MAP6: variants seen among roughly 807,000 people sequenced by gnomAD.
MAP6 encodes microtubule associated protein 6.
A neutral mutation model predicts 42.4 loss-of-function variants in MAP6; 26 were observed. The observed-to-expected ratio is 0.61, with a 90% confidence interval of 0.45 to 0.85. MAP6 has a LOEUF of 0.85. MAP6 is among the 40% of genes least tolerant of loss of function. The pLI is 0.00. For synonymous variants in MAP6, 418 were observed against 443.8 expected (o/e 0.94, Z 0.73); for missense variants, 966 against 1,099.0 (o/e 0.88, Z 1.71).
chr11:75,643,013 G>A (rs1276781527), intron 1 of MAP6: 1 of 317,312 alleles, frequency 3.2e-6, no homozygotes. Flanking sequence ...TAGTAATCAA[G>A]CCTGTATTCA....
At chr11:75,616,571 G>T (rs1942997633) in intron 1 of MAP6, among the ~76,000 whole-genome samples, 2 of 152,196 alleles carry the variant, frequency 1.3e-5, no homozygotes, top group African/African-American at 4.8e-5. Context: ...GTCAGGAGGT[G>T]GTTAATGGAA....
At chr11:75,609,502 G>A (rs1034856725) in intron 1 of MAP6, among the ~76,000 whole-genome samples, 4 of 152,214 alleles carry the variant, frequency 2.6e-5, no homozygotes, top group South Asian at 2.1e-4. Context: ...GGACTGCGAC[G>A]GAGACACGCA....
chr11:75,640,707 C>G (rs1943452306), intron 1 of MAP6, among the ~76,000 whole-genome samples: 1 of 152,186 alleles, frequency 6.6e-6, no homozygotes, highest in Non-Finnish European at 1.5e-5. Flanking sequence ...AGAAGACATT[C>G]ATGCAGTCAA....
Position 75,640,018 on chromosome 11 carries a change from C to T in MAP6, c.905+27447G>A, listed in dbSNP as rs537245548. Reference sequence around the variant, plus strand: ...AATTTCCACTCTCCCCTCTGGCTGGCGGCCACAGAGTCCTCTTGGCAACCT... The same window carrying T: ...AATTTCCACTCTCCCCTCTGGCTGGTGGCCACAGAGTCCTCTTGGCAACCT... On this transcript the variant is annotated intron_variant, in intron 1 of 3. Transcript: ENST00000304771. Among the ~76,000 whole-genome samples the T allele has an allele frequency of 1.5e-4, 23 of 152,254 alleles. No individual in the cohort carries two copies. In the East Asian group the frequency reaches 2.7e-3, roughly 18 times the overall value.
chr11:75,627,203 C>G (rs911203443), intron 1 of MAP6, among the ~76,000 whole-genome samples: 7 of 152,240 alleles, frequency 4.6e-5, no homozygotes, highest in African/African-American at 1.7e-4. Context: ...GACTTCCCAA[C>G]AATGGGATTA....
intron 1 of MAP6, among the ~76,000 whole-genome samples, chr11:75,625,413 G>A (rs1216920805): frequency 6.6e-6 from 1 of 152,174 alleles, no homozygotes; most frequent in African/African-American, 2.4e-5. Context: ...GGTCAGGCTG[G>A]CATCCTGAGA....
chr11:75,638,019 G>A (rs1050414222), intron 1 of MAP6, among the ~76,000 whole-genome samples: 4 of 152,156 alleles, frequency 2.6e-5, no homozygotes, highest in Admixed American at 6.5e-5. Flanking sequence ...AATAATAGGG[G>A]AATGGTTAAA....
In MAP6 at chr11:75,587,183, G is replaced by C. The variant is rs746218602; in HGVS notation, c.2318C>G (p.Pro773Arg). Residue 773 changes from proline to arginine, a missense_variant, in exon 4 of 4, where the codon CCT (proline) becomes CGT (arginine). Pro to Arg is a moderately radical substitution (Grantham distance 103). Coordinates refer to ENST00000304771, the MANE Select transcript of MAP6 (RefSeq NM_033063.2). ...LVPVPAKDQG[P>R]AVPEPLKTQG... Reference sequence around the variant, plus strand: ...AGTCTTCAGAGGTTCAGGGACTGCAGGACCTTGGTCCTTTGCTGGTACTGG... The same window carrying C: ...AGTCTTCAGAGGTTCAGGGACTGCACGACCTTGGTCCTTTGCTGGTACTGG... 94 of 1,614,030 alleles carry C rather than the reference G, an allele frequency of 5.8e-5. No individual in the cohort carries two copies. Among genetic ancestry groups the C allele is most frequent in the Non-Finnish European group, 7.5e-5 (89 of 1,180,032 alleles).
intron 1 of MAP6, among the ~76,000 whole-genome samples, chr11:75,641,253 AT>A (rs1943465293): frequency 6.7e-6 from 1 of 148,376 alleles, no homozygotes. Flanking sequence ...TGAACACTGC[AT>A]GTTCTCACTC....
At chr11:75,608,015 G>A in intron 2 of MAP6, 94 bp downstream of exon 2, 2 of 1,236,598 alleles carry the variant, frequency 1.6e-6, no homozygotes, top group Non-Finnish European at 2.3e-6. Context: ...CGTGGAGGCT[G>A]GGCCAGATTT....
At chr11:75,621,408 C>T (rs1454894272) in intron 1 of MAP6, among the ~76,000 whole-genome samples, 1 of 152,100 alleles carries the variant, frequency 6.6e-6, no homozygotes, top group Non-Finnish European at 1.5e-5. Flanking sequence ...TACAAAAACC[C>T]TACAACAAAC....
intron 3 of MAP6, among the ~76,000 whole-genome samples, chr11:75,595,938 T>C (rs1169521203): frequency 1.3e-5 from 2 of 152,080 alleles, no homozygotes; most frequent in African/African-American, 4.8e-5. Flanking sequence ...TGCCAGGCCA[T>C]AGGGATCACT....
At chr11:75,597,296 G>T (rs1418976206) in intron 3 of MAP6, 1 of 152,210 alleles carries the variant, frequency 6.6e-6, no homozygotes, top group Non-Finnish European at 1.5e-5. Context: ...ACAGGGAAAT[G>T]GTTGCACTTA....
At chr11:75,599,156 G>A (rs1010101545) in intron 3 of MAP6, 4 of 152,136 alleles carry the variant, frequency 2.6e-5, no homozygotes, top group African/African-American at 9.7e-5. Flanking sequence ...GCAAGCAGTG[G>A]CAGTAACTTT....
intron 3 of MAP6, among the ~76,000 whole-genome samples, chr11:75,596,813 C>T (rs1019428042): frequency 3.3e-5 from 5 of 150,804 alleles, no homozygotes; most frequent in Non-Finnish European, 7.4e-5. Flanking sequence ...TCAAACTCAG[C>T]TTCTCTGACC....
At chr11:75,615,119 C>T (rs971521208) in intron 1 of MAP6, among the ~76,000 whole-genome samples, 7 of 152,172 alleles carry the variant, frequency 4.6e-5, no homozygotes, top group Non-Finnish European at 7.3e-5. Context: ...GCAAGCCTTT[C>T]GGAAGTGCAG....
At chr11:75,657,108 CTAT>C (rs761661889) in intron 1 of MAP6, among the ~76,000 whole-genome samples, 6,475 of 149,054 alleles carry the variant, frequency 0.043, 143 homozygotes, top group East Asian at 0.13. Flanking sequence ...TGTGGAGACA[CTAT>C]TTTTTTTTTT....
intron 1 of MAP6, among the ~76,000 whole-genome samples, chr11:75,636,745 C>G (rs1943375639): frequency 6.6e-6 from 1 of 152,168 alleles, no homozygotes; most frequent in Admixed American, 6.5e-5. Flanking sequence ...CAAAACTATT[C>G]AAATTAGCCA....
chr11:75,633,984 A>G (rs919948263), intron 1 of MAP6, among the ~76,000 whole-genome samples: 4 of 152,220 alleles, frequency 2.6e-5, no homozygotes, highest in African/African-American at 7.2e-5. Flanking sequence ...CAGCTGCTGC[A>G]TTCAGAACAG....
Sources: allele counts gnomAD v4.1 joint callset (sites outside exome capture counted in the v4.1 genomes callset), GRCh38; gene constraint gnomAD v4.1.1; transcripts MANE v1.5; gene names NCBI Gene and HGNC (gene_info 2026-07-23, HGNC 2026-07-21).